PRCP: variants seen among roughly 807,000 people sequenced by gnomAD.
PRCP encodes the protein prolylcarboxypeptidase, also known as lysosomal Pro-X carboxypeptidase.
A neutral mutation model predicts 54.2 loss-of-function variants in PRCP; 46 were observed. The observed-to-expected ratio is 0.85, with a 90% CI of 0.67 to 1.09. The LOEUF is 1.09. PRCP is among the 50% of genes least tolerant of loss of function. The pLI is 0.00. For missense variants in PRCP, 613 were observed against 596.8 expected (o/e 1.03, Z -0.28); for synonymous variants, 240 against 212.2 (o/e 1.13, Z -1.14).
intron 1 of PRCP, among the ~76,000 whole-genome samples, chr11:82,873,763 C>T (rs2121217873): frequency 6.6e-6 from 1 of 152,288 alleles, no homozygotes; most frequent in Non-Finnish European, 1.5e-5. Context: ...AACAGAAAAC[C>T]TACAACCTCT....
intron 1 of PRCP, among the ~76,000 whole-genome samples, chr11:82,885,184 G>A (rs1266630696): frequency 6.6e-6 from 1 of 152,086 alleles, no homozygotes; most frequent in African/African-American, 2.4e-5. Context: ...TATATGACAT[G>A]TTTTTCTTTT....
Position 82,871,153 on chromosome 11 carries a change from T to G in PRCP, c.169-11036A>C, listed in dbSNP as rs1489160584. Among the ~76,000 whole-genome samples, 5 of 151,796 alleles carry G rather than the reference T, an allele frequency of 3.3e-5. No homozygotes were observed. The East Asian group carries it at 7.7e-4, about 23-fold the overall frequency. ...ATGTGTTACTGATTTTCTTCCTTTATAGTCTATTGTTCTAAATGTTTCTCT... is the reference window on the plus strand; with the variant it reads ...ATGTGTTACTGATTTTCTTCCTTTAGAGTCTATTGTTCTAAATGTTTCTCT... On this transcript the variant is annotated intron_variant, in intron 1 of 8. Coordinates refer to ENST00000313010, the MANE Select transcript of PRCP (RefSeq NM_005040.4).
At chr11:82,872,875 G>C (rs1859511332) in intron 1 of PRCP, among the ~76,000 whole-genome samples, 1 of 152,170 alleles carries the variant, frequency 6.6e-6, no homozygotes, top group African/African-American at 2.4e-5. Flanking sequence ...ACTCTAGAAA[G>C]AAGAAACAGA....
Position 82,848,291 on chromosome 11 carries a change from T to C in PRCP, c.921+758A>G, listed in dbSNP as rs533808371. Among the ~76,000 whole-genome samples, 5 of 152,308 alleles carry C rather than the reference T, an allele frequency of 3.3e-5. No homozygotes were observed. In the Middle Eastern group the frequency reaches 0.01, roughly 311 times the overall value. On this transcript the variant is annotated intron_variant, in intron 6 of 8. Coordinates refer to ENST00000313010, the MANE Select transcript of PRCP (RefSeq NM_005040.4). ...TACAAAGAAATGCTTAAAATGAACA[T>C]ACACAATAAATAATTTTGACATGAA...
rs529366115 is a variant in PRCP, at chr11:82,829,618, A to T, written c.1275-4496T>A. ...TCCTTGTCACTCACATCCTTCTAAC[A>T]TATTTATAAGTTCTATCTTGTTTCA... On this transcript the variant is annotated intron_variant, in intron 8 of 8. Transcript: ENST00000313010. 5 of 152,234 alleles carry T rather than the reference A, an allele frequency of 3.3e-5. No homozygotes were observed. In the South Asian group the frequency reaches 1.0e-3, roughly 32 times the overall value. 9.4% of individuals were successfully genotyped at this position (152,234 alleles called of 1,614,324 possible).
At chr11:82,873,238 C>A (rs1249171292) in intron 1 of PRCP, among the ~76,000 whole-genome samples, 1 of 152,066 alleles carries the variant, frequency 6.6e-6, no homozygotes, top group Non-Finnish European at 1.5e-5. Flanking sequence ...AGTCATAATA[C>A]ACCCCAGAAA....
chr11:82,849,812 T>A, intron 5 of PRCP, 102 bp downstream of exon 5: 1 of 1,097,152 alleles, frequency 9.1e-7, no homozygotes, highest in South Asian at 3.5e-5. Flanking sequence ...TGTATGTACA[T>A]TATACTTTAA....
intron 1 of PRCP, among the ~76,000 whole-genome samples, chr11:82,885,773 A>G (rs1859849614): frequency 6.6e-6 from 1 of 152,192 alleles, no homozygotes; most frequent in African/African-American, 2.4e-5. Flanking sequence ...CATGGATTAG[A>G]GACTTTTACA....
intron 1 of PRCP, among the ~76,000 whole-genome samples, chr11:82,882,094 T>C (rs551233730): frequency 2.6e-5 from 4 of 152,274 alleles, no homozygotes; most frequent in Admixed American, 2.0e-4. Context: ...AAGGTCTTTA[T>C]CCTCATCTTC....
intron 6 of PRCP, among the ~76,000 whole-genome samples, chr11:82,842,318 G>A (rs999049965): frequency 1.4e-4 from 22 of 152,310 alleles, no homozygotes; most frequent in African/African-American, 5.1e-4. Context: ...GTTACACAGA[G>A]AGAACATCAT....
At chr11:82,859,854 T>C in intron 2 of PRCP, 123 bp downstream of exon 2, 3 of 1,004,176 alleles carry the variant, frequency 3.0e-6, no homozygotes, top group Non-Finnish European at 4.1e-6. Context: ...TTTTTTGTTA[T>C]TTTTTACAGA....
chr11:82,900,419 T>C lies in PRCP; in HGVS notation c.-17A>G, dbSNP rs886745252. 6.2e-7 allele frequency: 1 copy of C among 1,611,524 alleles called. No individual in the cohort carries two copies. Among genetic ancestry groups the C allele is most frequent in the Non-Finnish European group, 8.5e-7 (1 of 1,179,634 alleles). On this transcript the variant is annotated 5_prime_UTR_variant, in exon 1 of 9. Coordinates refer to ENST00000313010, the MANE Select transcript of PRCP (RefSeq NM_005040.4). ...GCGGCCCATGGCTCAGGCTGGAGAC[T>C]GCAGTGCGGGTGGGAGGGCGAAAAG...
At chr11:82,831,386 C>T (rs998315555) in intron 8 of PRCP, 12 of 152,172 alleles carry the variant, frequency 7.9e-5, no homozygotes, top group African/African-American at 2.4e-4. Flanking sequence ...TGATTGGGCA[C>T]GGGACTCCAC....
At chr11:82,873,206 T>C (rs1023682006) in intron 1 of PRCP, among the ~76,000 whole-genome samples, 6 of 152,166 alleles carry the variant, frequency 3.9e-5, no homozygotes, top group African/African-American at 1.4e-4. Flanking sequence ...ATTTAACATA[T>C]ATGACAATGT....
chr11:82,849,049 C>T lies in PRCP; in HGVS notation c.921G>A (p.Lys307=), dbSNP rs186223156. 14 of 1,611,752 alleles carry T rather than the reference C, an allele frequency of 8.7e-6. No homozygotes were observed. The East Asian group carries it at 3.1e-4, about 36-fold the overall frequency. The part of the protein sequence containing the change: ...FLQPLPAWPI[K]VVCQYLKNPN... ...TGATGACAGGACATTTTCCTATTAC[C>T]TTGATAGGCCAAGCAGGCAAAGGCT... is the stretch of plus-strand genomic sequence containing the variant. The change falls in exon 6 of 9, where the codon AAG becomes AAA. Residue 307 remains lysine (K), a splice_region_variant and synonymous_variant. Transcript: ENST00000313010.
intron 1 of PRCP, among the ~76,000 whole-genome samples, chr11:82,868,018 TTA>T (rs1347156733): frequency 2.0e-5 from 3 of 152,072 alleles, no homozygotes; most frequent in Non-Finnish European, 4.4e-5. Flanking sequence ...AATAAATATA[TTA>T]TATGTTCACA....
intron 1 of PRCP, among the ~76,000 whole-genome samples, chr11:82,861,457 A>G (rs1418944440): frequency 6.6e-6 from 1 of 152,198 alleles, no homozygotes; most frequent in Non-Finnish European, 1.5e-5. Flanking sequence ...GGAAAACATA[A>G]CTACAATGGA....
chr11:82,865,947 G>C (rs1432349035), intron 1 of PRCP, among the ~76,000 whole-genome samples: 2 of 152,146 alleles, frequency 1.3e-5, no homozygotes, highest in Non-Finnish European at 2.9e-5. Flanking sequence ...ATCTACAGTT[G>C]GAGAAGGATG....
intron 1 of PRCP, among the ~76,000 whole-genome samples, chr11:82,890,509 G>A (rs552861669): frequency 3.0e-4 from 45 of 151,942 alleles, no homozygotes; most frequent in Non-Finnish European, 5.7e-4. Context: ...TTCTTGTTCC[G>A]TCACTTTCTC....
Sources: gnomAD v4.1 joint callset for allele counts (sites outside exome capture counted in the v4.1 genomes callset) on GRCh38, gnomAD v4.1.1 for gene constraint, MANE v1.5 for transcripts, NCBI Gene and HGNC (gene_info 2026-07-23, HGNC 2026-07-21) for gene names.